PAK2: variants seen among roughly 807,000 people sequenced by gnomAD.
The protein encoded by PAK2 is p21 (RAC1) activated kinase 2, also known as serine/threonine-protein kinase PAK 2.
A neutral mutation model predicts 65.9 loss-of-function variants in PAK2; 21 were observed. The ratio of observed to expected loss-of-function variants is 0.32; its 90% CI spans 0.23 to 0.46. The LOEUF (loss-of-function observed/expected upper bound fraction) is 0.46, where lower values mean the gene tolerates loss of function less well. PAK2 is among the 20% of genes least tolerant of loss of function. PAK2 has a pLI of 1.00. For missense variants in PAK2, 324 were observed against 642.6 expected (o/e 0.50, Z 5.36); for synonymous variants, 204 against 219.7 (o/e 0.93, Z 0.63).
chr3:196,809,367 T>TTTG (rs1715698999), intron 7 of PAK2, among the ~76,000 whole-genome samples: 1 of 137,468 alleles, frequency 7.3e-6, no homozygotes, highest in African/African-American at 2.7e-5. Flanking sequence ...TTTTTTTTTT[T>TTTG]GAGACAGAGT....
chr3:196,761,018 C>G (rs1482498031), intron 1 of PAK2, among the ~76,000 whole-genome samples: 2 of 152,210 alleles, frequency 1.3e-5, no homozygotes, highest in African/African-American at 4.8e-5. Context: ...GGATGGAGAT[C>G]AGGAGTTCAA....
At chr3:196,815,097 G>T (rs547169469) in intron 11 of PAK2, among the ~76,000 whole-genome samples, 3 of 151,778 alleles carry the variant, frequency 2.0e-5, no homozygotes, top group Admixed American at 6.6e-5. Context: ...GGAGAATGGC[G>T]TGAACCTGGG....
At chr3:196,810,931 A>G (rs1227172862) in intron 8 of PAK2, among the ~76,000 whole-genome samples, 1 of 152,110 alleles carries the variant, frequency 6.6e-6, no homozygotes, top group African/African-American at 2.4e-5. Context: ...AATATATTTA[A>G]AAGACAATAA....
chr3:196,761,872 C>T (rs1713983977), intron 1 of PAK2, among the ~76,000 whole-genome samples: 4 of 149,210 alleles, frequency 2.7e-5, no homozygotes, highest in South Asian at 2.1e-4. Context: ...GGGTGGCTGC[C>T]GGACGGAGAC....
At position 196,759,489 on chromosome 3, in the gene PAK2, G is replaced by GTTTTTTTTTTT. The variant is rs1418582155; in HGVS notation, c.-22+19340_-22+19341insTTTTTTTTTTT. On this transcript the variant is annotated intron_variant, in intron 1 of 14. Coordinates refer to ENST00000327134, the MANE Select transcript of PAK2 (RefSeq NM_002577.4). ...ACCCTTTAAGGTATACAGTTAAGTG[G>GTTTTTTTTTTT]TTTTTTTTGTTTTTTTTTTTTTTTT... Among the ~76,000 whole-genome samples the GTTTTTTTTTTT allele has an allele frequency of 4.8e-4, 47 of 98,856 alleles. 2 individuals are homozygous for GTTTTTTTTTTT. Among genetic ancestry groups the GTTTTTTTTTTT allele is most frequent in the South Asian group, 1.8e-3 (5 of 2,856 alleles). 64.9% of individuals were successfully genotyped at this position (98,856 alleles called of 152,430 possible).
intron 1 of PAK2, among the ~76,000 whole-genome samples, chr3:196,766,507 G>A (rs1714174221): frequency 6.6e-6 from 1 of 152,170 alleles, no homozygotes; most frequent in South Asian, 2.1e-4. Context: ...CAAATAAGGT[G>A]CATATGTCGT....
intron 13 of PAK2, among the ~76,000 whole-genome samples, chr3:196,825,730 A>G (rs1177917459): frequency 1.3e-5 from 2 of 152,230 alleles, no homozygotes; most frequent in Middle Eastern, 3.2e-3. Flanking sequence ...GATTTTCTAA[A>G]GGGAGTTGAT....
chr3:196,800,368 TGA>T (rs1715387158), intron 2 of PAK2, among the ~76,000 whole-genome samples: 1 of 152,024 alleles, frequency 6.6e-6, no homozygotes, highest in Non-Finnish European at 1.5e-5. Flanking sequence ...GGCGACAGAA[TGA>T]GACTCCCTGT....
intron 1 of PAK2, among the ~76,000 whole-genome samples, chr3:196,751,696 A>AAGTACCG (rs373145395): frequency 1.4e-5 from 1 of 72,664 alleles, no homozygotes; most frequent in Non-Finnish European, 2.5e-5. Context: ...TATATATATA[A>AAGTACCG]TTCAGGCTAT....
At chr3:196,810,796 A>G (rs1399623746) in intron 8 of PAK2, 143 bp downstream of exon 8, 2 of 562,674 alleles carry the variant, frequency 3.6e-6, no homozygotes. Flanking sequence ...GTGTAAATAA[A>G]TAATGCAGTT....
At chr3:196,759,498 GTTTTTTTTTTTTTTTTTTTTT>G (rs71301221) in intron 1 of PAK2, among the ~76,000 whole-genome samples, 34 of 108,162 alleles carry the variant, frequency 3.1e-4, no homozygotes, top group African/African-American at 8.6e-4. Context: ...GGTTTTTTTT[GTTTTTTTTTTTTTTTTTTTTT>G]TTTTTTTTTT....
intron 14 of PAK2, 53 bp downstream of exon 14, chr3:196,827,386 G>C: frequency 6.4e-7 from 1 of 1,571,060 alleles, no homozygotes; most frequent in South Asian, 1.2e-5. Flanking sequence ...TTTGGTAACC[G>C]ACAGAAAGCT....
intron 1 of PAK2, among the ~76,000 whole-genome samples, chr3:196,767,196 G>C (rs904190982): frequency 6.6e-5 from 10 of 152,040 alleles, no homozygotes; most frequent in African/African-American, 2.4e-4. Context: ...GTTACTTCCA[G>C]TCTTTTGCTG....
chr3:196,785,371 C>G (rs969978445), intron 2 of PAK2, among the ~76,000 whole-genome samples: 2 of 152,168 alleles, frequency 1.3e-5, no homozygotes, highest in Non-Finnish European at 2.9e-5. Context: ...TGCTGGGTTA[C>G]AGGCTGTTCC....
intron 13 of PAK2, among the ~76,000 whole-genome samples, chr3:196,823,107 A>G (rs1711707255): frequency 6.6e-6 from 1 of 152,054 alleles, no homozygotes; most frequent in South Asian, 2.1e-4. Context: ...TTGTTGAGAG[A>G]TCCCTGAGGA....
chr3:196,750,524 C>T lies in PAK2; in HGVS notation c.-22+10367C>T, dbSNP rs192872138. ...TACCTCATCCATGAAAATGATTGTC[C>T]TGTACGATCATGATTTAACATTTTT... is the stretch of plus-strand genomic sequence containing the variant. On this transcript the variant is annotated intron_variant, in intron 1 of 14. Transcript: ENST00000327134. Among the ~76,000 whole-genome samples, 30 of 152,094 alleles carry T rather than the reference C, an allele frequency of 2.0e-4. 1 individual carries two copies. In the East Asian group the frequency reaches 5.6e-3, roughly 28 times the overall value.
At chr3:196,768,963 G>A (rs1306876127) in intron 1 of PAK2, among the ~76,000 whole-genome samples, 3 of 151,782 alleles carry the variant, frequency 2.0e-5, no homozygotes, top group Admixed American at 1.3e-4. Context: ...CACCGTGCCC[G>A]GCCTACTTTT....
At chr3:196,743,981 T>C (rs1338210431) in intron 1 of PAK2, among the ~76,000 whole-genome samples, 3 of 152,214 alleles carry the variant, frequency 2.0e-5, no homozygotes, top group African/African-American at 4.8e-5. Flanking sequence ...GAATAAAATG[T>C]AATTTTTCAG....
chr3:196,743,580 G>A (rs1248800266), intron 1 of PAK2, among the ~76,000 whole-genome samples: 3 of 152,054 alleles, frequency 2.0e-5, no homozygotes, highest in Non-Finnish European at 4.4e-5. Context: ...GGGTGCGGTG[G>A]CTCACACCTG....
Sources: gnomAD v4.1 joint callset for allele counts (sites outside exome capture counted in the v4.1 genomes callset) on GRCh38, gnomAD v4.1.1 for gene constraint, MANE v1.5 for transcripts, NCBI Gene and HGNC (gene_info 2026-07-23, HGNC 2026-07-21) for gene names.